The following UNC13C variants were observed in gnomAD, a reference collection of about 807,000 sequenced individuals.
The protein encoded by UNC13C is unc-13 homolog C, also known as protein unc-13 homolog C.
In UNC13C, 174 loss-of-function variants were observed where a neutral mutation model predicts 245.4. The observed-to-expected ratio is 0.71, with a 90% CI of 0.63 to 0.80. The LOEUF is 0.80. Among genes scored for constraint, UNC13C ranks in the 30% least tolerant of loss-of-function variants. UNC13C has a pLI of 0.00. For synonymous variants in UNC13C, 992 were observed against 895.1 expected, an observed-to-expected ratio of 1.11 and a Z score of -1.93; for missense variants, 2,829 against 2,602.9, an observed-to-expected ratio of 1.09 and a Z score of -1.89.
the UNC13C span, among the ~76,000 whole-genome samples, chr15:53,860,008 G>A: frequency 2.6e-5 from 4 of 152,048 alleles, no homozygotes; most frequent in African/African-American, 7.2e-5. Context: ...TAAGAAATCC[G>A]GATATGTTTT....
At chr15:54,095,421 G>A (rs987010233) in intron 2 of UNC13C, among the ~76,000 whole-genome samples, 1 of 152,186 alleles carries the variant, frequency 6.6e-6, no homozygotes, top group African/African-American at 2.4e-5. Context: ...TACAAAAGCT[G>A]GAGTTGAATT....
In UNC13C at chr15:54,014,834, G is replaced by A; in HGVS notation, c.1931G>A (p.Ser644Asn). 1.2e-6 allele frequency: 2 copies of A among 1,613,928 alleles called. No homozygotes were observed. Among genetic ancestry groups the A allele is most frequent in the Non-Finnish European group, 1.7e-6 (2 of 1,179,844 alleles). ...VCASGDRSHY[S>N]DSQLSLHEDL... ...GCATCTGGAGACCGGAGTCATTACAGTGATTCTCAGCTCTCTTTACATGAG... is the reference window on the plus strand; with the variant it reads ...GCATCTGGAGACCGGAGTCATTACAATGATTCTCAGCTCTCTTTACATGAG... The change falls in exon 2 of 33, where the codon AGT becomes AAT. Residue 644 changes from serine to asparagine, a missense_variant. Coordinates refer to ENST00000260323, the MANE Select transcript of UNC13C (RefSeq NM_001080534.3).
chr15:54,105,940 T>A (rs1900421977), intron 2 of UNC13C, among the ~76,000 whole-genome samples: 1 of 152,210 alleles, frequency 6.6e-6, no homozygotes, highest in Non-Finnish European at 1.5e-5. Flanking sequence ...GGAGGAAGAT[T>A]GGCAGAGTTG....
chr15:54,383,270 T>C (rs975629125), intron 17 of UNC13C, among the ~76,000 whole-genome samples: 6 of 152,116 alleles, frequency 3.9e-5, no homozygotes, highest in Admixed American at 3.3e-4. Flanking sequence ...CTGATAAATA[T>C]AGATGCAAAA....
chr15:53,950,403 G>A, the UNC13C span, among the ~76,000 whole-genome samples: 1 of 148,728 alleles, frequency 6.7e-6, no homozygotes, highest in East Asian at 2.0e-4. Context: ...GCTTAGAAAA[G>A]TATCAGCAAA....
intron 30 of UNC13C, among the ~76,000 whole-genome samples, chr15:54,615,494 C>A (rs905320046): frequency 6.6e-6 from 1 of 152,004 alleles, no homozygotes; most frequent in African/African-American, 2.4e-5. Flanking sequence ...ATTCCCTAGT[C>A]TCTTCCTGCT....
intron 19 of UNC13C, among the ~76,000 whole-genome samples, chr15:54,433,507 G>T (rs536227036): frequency 6.6e-6 from 1 of 152,180 alleles, no homozygotes; most frequent in South Asian, 2.1e-4. Flanking sequence ...ATTAGATGCA[G>T]AAAAGGACTT....
intron 19 of UNC13C, among the ~76,000 whole-genome samples, chr15:54,457,648 C>A (rs906919217): frequency 7.2e-5 from 11 of 151,924 alleles, no homozygotes; most frequent in African/African-American, 2.7e-4. Context: ...TCTACGTTTT[C>A]CAGTTTGTGT....
At chr15:53,911,833 G>C in the UNC13C span, 3 of 152,268 alleles carry the variant, frequency 2.0e-5, no homozygotes, top group Non-Finnish European at 4.4e-5. Context: ...GATGATGAAC[G>C]CTTTACCTCC....
At chr15:54,154,467 CAAT>C (rs1256376398) in intron 4 of UNC13C, among the ~76,000 whole-genome samples, 11 of 152,024 alleles carry the variant, frequency 7.2e-5, no homozygotes, top group African/African-American at 2.4e-4. Context: ...CATATTACAA[CAAT>C]GAGCTGAAAC....
chr15:54,261,940 G>A (rs1263778574), intron 8 of UNC13C, among the ~76,000 whole-genome samples: 1 of 152,088 alleles, frequency 6.6e-6, no homozygotes, highest in Non-Finnish European at 1.5e-5. Flanking sequence ...CCACCGATTG[G>A]CAATTTCAGT....
intron 17 of UNC13C, among the ~76,000 whole-genome samples, chr15:54,376,584 G>A (rs932590332): frequency 3.3e-5 from 5 of 152,114 alleles, no homozygotes; most frequent in African/African-American, 1.2e-4. Flanking sequence ...TCATAGTTTG[G>A]GTTGTCCAAG....
chr15:54,174,153 G>A (rs765265750), intron 4 of UNC13C, among the ~76,000 whole-genome samples: 1 of 152,022 alleles, frequency 6.6e-6, no homozygotes, highest in Non-Finnish European at 1.5e-5. Context: ...GCAATTGGTC[G>A]CTAGTTCTCT....
intron 2 of UNC13C, among the ~76,000 whole-genome samples, chr15:54,101,574 T>TCATTATCCTCCC (rs1446722487): frequency 2.0e-5 from 3 of 151,682 alleles, no homozygotes; most frequent in Non-Finnish European, 2.9e-5. Flanking sequence ...TTGCTCCTCC[T>TCATTATCCTCCC]CATTATCCTC....
chr15:54,503,716 G>A (rs1035618915), intron 22 of UNC13C, among the ~76,000 whole-genome samples: 5 of 152,000 alleles, frequency 3.3e-5, no homozygotes, highest in Admixed American at 6.6e-5. Context: ...GATAAAAATC[G>A]TTTGTGTTTA....
intron 30 of UNC13C, among the ~76,000 whole-genome samples, chr15:54,611,299 C>A (rs889725036): frequency 6.6e-6 from 1 of 152,114 alleles, no homozygotes; most frequent in Non-Finnish European, 1.5e-5. Context: ...AAAATTTCCA[C>A]TCAAATCAGC....
intron 10 of UNC13C, among the ~76,000 whole-genome samples, chr15:54,274,143 G>A (rs1353234900): frequency 6.6e-6 from 1 of 152,160 alleles, no homozygotes; most frequent in Non-Finnish European, 1.5e-5. Context: ...GCCAGTCCTA[G>A]GGAGGTAGGG....
rs1157674591 is a variant in UNC13C at position 54,530,319 on chromosome 15, CT to C, written c.5547-2597del. Among the ~76,000 whole-genome samples, 4 of 152,240 alleles carry C rather than the reference CT, an allele frequency of 2.6e-5. No homozygotes were observed. In the East Asian group the frequency reaches 7.7e-4, roughly 29 times the overall value. ...GTTTGTCTGTGTGCATGTGTGTGTA[CT>C]GAGAACATTAAGATCTGTCCTCTTA... On this transcript the variant is annotated intron_variant, in intron 25 of 32. Transcript: ENST00000260323.
At chr15:53,989,974 A>G (rs1365525656) in intron 1 of UNC13C, among the ~76,000 whole-genome samples, 1 of 151,860 alleles carries the variant, frequency 6.6e-6, no homozygotes, top group Non-Finnish European at 1.5e-5. Context: ...TCTTCCTGTG[A>G]CCCTGTCCAT....
Sources: gnomAD v4.1 joint callset for allele counts (sites outside exome capture counted in the v4.1 genomes callset) on GRCh38, gnomAD v4.1.1 for gene constraint, MANE v1.5 for transcripts, NCBI Gene and HGNC (gene_info 2026-07-23, HGNC 2026-07-21) for gene names.